Variants in NTN1 observed in about 807,000 individuals in gnomAD.
NTN1 encodes the protein netrin-1.
Under a neutral mutation model 54.2 loss-of-function variants are expected in NTN1, and 11 were observed. The observed-to-expected ratio is 0.20, with a 90% CI of 0.13 to 0.34. The LOEUF is 0.34. NTN1 is among the 10% of genes least tolerant of loss of function. The pLI, the probability that NTN1 is intolerant of heterozygous loss-of-function variation, is 1.00. For synonymous variants in NTN1, 371 were observed against 382.0 expected, an observed-to-expected ratio of 0.97 and a Z score of 0.33; for missense variants, 740 against 893.1, an observed-to-expected ratio of 0.83 and a Z score of 2.18.
chr17:9,008,293 ATT>A, the NTN1 span, among the ~76,000 whole-genome samples: 400 of 140,268 alleles, frequency 2.9e-3, 1 homozygote, highest in African/African-American at 0.012. Context: ...CAACTTTTTA[ATT>A]TAAGTTAATT....
At chr17:9,124,067 A>G (rs1394174061) in intron 2 of NTN1, among the ~76,000 whole-genome samples, 1 of 152,110 alleles carries the variant, frequency 6.6e-6, no homozygotes, top group Non-Finnish European at 1.5e-5. Flanking sequence ...CCTGACCCCA[A>G]CCATCACGCA....
intron 3 of NTN1, among the ~76,000 whole-genome samples, chr17:9,167,886 T>C (rs2092377408): frequency 6.6e-6 from 1 of 152,214 alleles, no homozygotes; most frequent in Admixed American, 6.5e-5. Context: ...TAACTTATGC[T>C]GTGAGTCTCA....
In NTN1 at chr17:9,221,113, A is replaced by T; in HGVS notation, c.1412-55A>T. 3.5e-6 allele frequency: 4 copies of T among 1,134,134 alleles called. No homozygotes were observed. The highest frequency in any genetic ancestry group is 5.4e-6 in the Non-Finnish European group (4 of 743,592). 70.3% of individuals were successfully genotyped at this position (1,134,134 alleles called of 1,614,324 possible). On this transcript the variant is annotated intron_variant, in intron 5 of 6. Coordinates refer to ENST00000173229, the MANE Select transcript of NTN1 (RefSeq NM_004822.3). This position sits in a 1 kb window ranked among gnomAD's most constrained non-coding sequence, Gnocchi z 4.5. ...GGCCTCCTACTCTGCCCGCCAGCCT[A>T]TTCATCGCCAGCCTAATTAGTTTTT...
At chr17:9,207,247 C>T (rs56332881) in intron 5 of NTN1, among the ~76,000 whole-genome samples, 26,274 of 152,128 alleles carry the variant, frequency 0.17, 2,963 homozygotes, top group Non-Finnish European at 0.26. Context: ...GAACCACATC[C>T]GCTACAGATG....
intron 2 of NTN1, among the ~76,000 whole-genome samples, chr17:9,097,938 C>T (rs1194058233): frequency 6.6e-6 from 1 of 151,686 alleles, no homozygotes; most frequent in African/African-American, 2.4e-5. Flanking sequence ...TTTTCTGCTC[C>T]TAATTGACTT....
chr17:9,192,447 C>T (rs1319063959), intron 5 of NTN1, among the ~76,000 whole-genome samples: 1 of 152,120 alleles, frequency 6.6e-6, no homozygotes. Context: ...AGGAGCATTT[C>T]GCTTAGTTTC....
chr17:9,052,492 G>A (rs1245505866), intron 2 of NTN1, among the ~76,000 whole-genome samples: 1 of 152,070 alleles, frequency 6.6e-6, no homozygotes, highest in East Asian at 1.9e-4. Flanking sequence ...CAATAAGTCT[G>A]GGACAAACAC....
intron 2 of NTN1, among the ~76,000 whole-genome samples, chr17:9,110,700 T>G (rs1168111057): frequency 2.0e-5 from 3 of 152,166 alleles, no homozygotes; most frequent in Non-Finnish European, 4.4e-5. Context: ...AAGTCCACAG[T>G]CAGGGTCTCA....
At chr17:9,120,046 C>T (rs1322737422) in intron 2 of NTN1, among the ~76,000 whole-genome samples, 2 of 151,962 alleles carry the variant, frequency 1.3e-5, no homozygotes, top group Admixed American at 6.6e-5. Context: ...TTTGGGAGAC[C>T]GAGGCGGGTG....
chr17:9,018,652 T>C (rs1308157413), upstream of NTN1, among the ~76,000 whole-genome samples: 1 of 146,310 alleles, frequency 6.8e-6, no homozygotes. Context: ...AAAGGCTCTG[T>C]GGACAGAAAC....
At chr17:9,213,797 ATC>A (rs1905161505) in intron 5 of NTN1, among the ~76,000 whole-genome samples, 2 of 152,164 alleles carry the variant, frequency 1.3e-5, no homozygotes, top group South Asian at 4.1e-4. Flanking sequence ...CTATCCAGAC[ATC>A]TCTCATGACT....
intron 2 of NTN1, among the ~76,000 whole-genome samples, chr17:9,034,033 G>GTA (rs1567695232): frequency 1.3e-5 from 2 of 152,162 alleles, no homozygotes; most frequent in Non-Finnish European, 2.9e-5. Context: ...CAAGATACAT[G>GTA]TATTAGGGAC....
intron 2 of NTN1, among the ~76,000 whole-genome samples, chr17:9,111,079 C>T (rs1263935979): frequency 2.6e-5 from 4 of 151,812 alleles, no homozygotes; most frequent in South Asian, 2.1e-4. Context: ...GGAGGATTAC[C>T]GGCACACGCC....
intron 6 of NTN1, among the ~76,000 whole-genome samples, chr17:9,229,068 TTG>T (rs1905709024): frequency 8.7e-6 from 1 of 115,022 alleles, no homozygotes; most frequent in Admixed American, 9.3e-5. Context: ...GCGTGTGTGA[TTG>T]TGTTTGTGAC....
In NTN1 at chr17:9,165,536, CGGCCTTGGT is replaced by C. The variant is rs2092370978; in HGVS notation, c.1207+2538_1207+2546del. On this transcript the variant is annotated intron_variant, in intron 3 of 6. Transcript: ENST00000173229. This position sits in a 1 kb window ranked among gnomAD's most constrained non-coding sequence, Gnocchi z 4.5. ...TCCCAGCCATGGACAGCAGCTGCCC[CGGCCTTGGT>C]GGGAACCCTGGGAGAATAACTCACA... Among the ~76,000 whole-genome samples the C allele has an allele frequency of 6.6e-6, 1 of 152,168 alleles. No homozygotes were observed. Among genetic ancestry groups the C allele is most frequent in the South Asian group, 2.1e-4 (1 of 4,830 alleles).
rs1052688433 is a variant in NTN1, at chr17:9,134,609, G to A, written c.1019-28204G>A. ...TTCCAAGTAAGTCTAACATGCAGCC[G>A]GGGCAGAGAACCATGAGAATAGACA... On this transcript the variant is annotated intron_variant, in intron 2 of 6. Coordinates refer to ENST00000173229, the MANE Select transcript of NTN1 (RefSeq NM_004822.3). 8.5e-5 allele frequency among the ~76,000 whole-genome samples: 13 copies of A among 152,156 alleles called. 1 individual carries two copies. The highest frequency in any genetic ancestry group is 5.2e-4 in the Admixed American group (8 of 15,274).
At chr17:9,169,838 C>G (rs2092382719) in intron 3 of NTN1, among the ~76,000 whole-genome samples, 1 of 152,206 alleles carries the variant, frequency 6.6e-6, no homozygotes, top group South Asian at 2.1e-4. Context: ...GCACTCCAGC[C>G]TGGGTGACAG....
In NTN1 at chr17:9,022,916, C is replaced by T. The variant is rs2091857465; in HGVS notation, c.543C>T (p.Cys181=). 4 of 1,612,186 alleles carry T rather than the reference C, an allele frequency of 2.5e-6. No homozygotes were observed. The highest frequency in any genetic ancestry group is 3.4e-6 in the Non-Finnish European group (4 of 1,179,884). The change falls in exon 2 of 7, where the codon TGC becomes TGT. Residue 181 remains cysteine (C), a synonymous_variant. Transcript: ENST00000173229. ...CCTTCCAGTTCTACTCCACGCAGTG[C>T]CGCAAGATGTACAACCGGCCGCACC... The part of the protein sequence containing the change: ...WVPFQFYSTQ[C]RKMYNRPHRA...
rs537076176 is a variant in NTN1 at position 9,184,118 on chromosome 17, A to G, written c.1411+1149A>G. Among the ~76,000 whole-genome samples the G allele has an allele frequency of 5.3e-5, 8 of 152,168 alleles. No individual in the cohort carries two copies. In the South Asian group the frequency reaches 1.2e-3, roughly 24 times the overall value. On this transcript the variant is annotated intron_variant, in intron 5 of 6. Coordinates refer to ENST00000173229, the MANE Select transcript of NTN1 (RefSeq NM_004822.3). ...TTTTAGGATACAGACTGGATTTTGGAGAGTATTGGCAGTGCGCTGGAAACT... is the reference window on the plus strand; with the variant it reads ...TTTTAGGATACAGACTGGATTTTGGGGAGTATTGGCAGTGCGCTGGAAACT...
Sources: gnomAD v4.1 joint callset for allele counts (sites outside exome capture counted in the v4.1 genomes callset) on GRCh38, gnomAD v4.1.1 for gene constraint, Gnocchi (gnomAD v3.1) non-coding constraint, MANE v1.5 for transcripts, NCBI Gene and HGNC (gene_info 2026-07-23, HGNC 2026-07-21) for gene names.